Variants in COX7B observed in about 807,000 individuals in gnomAD.
The protein encoded by COX7B is cytochrome c oxidase subunit 7B, mitochondrial.
A neutral mutation model predicts 7.9 loss-of-function variants in COX7B; 2 were observed. That is an observed-to-expected ratio of 0.25 (90% CI 0.10 to 0.79). COX7B has a LOEUF of 0.79. COX7B is among the 30% of genes least tolerant of loss of function. The pLI is 0.69. For synonymous variants in COX7B, 19 were observed against 21.1 expected, an observed-to-expected ratio of 0.90 and a Z score of 0.27; for missense variants, 54 against 62.7, an observed-to-expected ratio of 0.86 and a Z score of 0.47.
intron 2 of COX7B, 132 bp downstream of exon 2, chrX:77,902,899 C>T: frequency 3.4e-6 from 2 of 585,884 alleles, no homozygotes; most frequent in Non-Finnish European, 2.5e-6. Flanking sequence ...TCTAATTACC[C>T]ACACAGTGCA....
rs782050272 is a variant in COX7B at position 77,902,755 on chromosome X, T to C, written c.153T>C (p.Val51=). The change falls in exon 2 of 3, where the codon GTT becomes GTC. Residue 51 remains valine (V), a synonymous_variant. Transcript: ENST00000650309. ...VLASGATFCI[V]TWTYVATQVG... ...CTAGTGGAGCCACTTTCTGTATTGT[T>C]ACATGGACATATGTAAGTACTATTG... 1 of 1,206,611 alleles carries C rather than the reference T, an allele frequency of 8.3e-7. No individual in the cohort carries two copies. The highest frequency in any genetic ancestry group is 2.2e-5 in the Admixed American group (1 of 45,783).
In COX7B at chrX:77,907,016, C is replaced by A; in HGVS notation, c.*1755C>A. 9.2e-6 allele frequency: 1 copy of A among 109,261 alleles called. No homozygotes were observed. The highest frequency in any genetic ancestry group is 2.8e-4 in the East Asian group (1 of 3,528). 9.0% of individuals were successfully genotyped at this position (109,261 alleles called of 1,213,427 possible). A position where few individuals can be genotyped will look rare whatever the true frequency, so the allele number is the denominator to read the frequency against. ...GTTTTTTTTTTGTAGTTTTCTTGATCGTGATCAATTAAGCAGAAAGTAGAA... is the reference window on the plus strand; with the variant it reads ...GTTTTTTTTTTGTAGTTTTCTTGATAGTGATCAATTAAGCAGAAAGTAGAA... On this transcript the variant is annotated 3_prime_UTR_variant, in exon 3 of 3. Coordinates refer to ENST00000650309, the MANE Select transcript of COX7B (RefSeq NM_001866.3).
chrX:77,903,162 A>G (rs2077125395), intron 2 of COX7B: 1 of 96,594 alleles, frequency 1.0e-5, no homozygotes, highest in East Asian at 3.1e-4. Flanking sequence ...AGTAGCTGGG[A>G]CCACAGGTGT....
chrX:77,899,916 G>A (rs2077116283), intron 1 of COX7B, among the ~76,000 whole-genome samples: 1 of 111,632 alleles, frequency 9.0e-6, no homozygotes, highest in South Asian at 3.7e-4. Context: ...TTTTAGCTTT[G>A]GGGATATGTT....
chrX:77,900,876 T>C (rs2077118504), intron 1 of COX7B, among the ~76,000 whole-genome samples: 1 of 112,484 alleles, frequency 8.9e-6, no homozygotes, highest in Admixed American at 9.5e-5. Flanking sequence ...AATTAAACAG[T>C]TGTCACAGAG....
intron 1 of COX7B, among the ~76,000 whole-genome samples, chrX:77,901,331 C>T (rs1447082872): frequency 2.8e-5 from 3 of 107,072 alleles, no homozygotes; most frequent in Non-Finnish European, 3.8e-5. Context: ...CTGCAATCTC[C>T]GTCTCCTAGG....
chrX:77,902,215 T>G (rs1557220689), intron 1 of COX7B, among the ~76,000 whole-genome samples: 2 of 112,195 alleles, frequency 1.8e-5, no homozygotes, highest in East Asian at 5.6e-4. Context: ...ATTTAAGTCA[T>G]AAGTATTCAA....
At chrX:77,899,624 A>G (rs782237291) in intron 1 of COX7B, 31 bp downstream of exon 1, 21 of 1,190,547 alleles carry the variant, frequency 1.8e-5, no homozygotes, top group Non-Finnish European at 2.3e-5. Flanking sequence ...ATCATTTACA[A>G]CAACCTTATA....
chrX:77,904,099 A>G (rs1439833223), intron 2 of COX7B, among the ~76,000 whole-genome samples: 1 of 105,404 alleles, frequency 9.5e-6, no homozygotes, highest in East Asian at 3.1e-4. Flanking sequence ...TGCCCGGCTA[A>G]TTTTTTGTAT....
chrX:77,902,544 C>A, intron 1 of COX7B, 99 bp from the exon 2 acceptor site: 1 of 914,738 alleles, frequency 1.1e-6, no homozygotes, highest in Non-Finnish European at 1.5e-6. Context: ...GTAAAATTAA[C>A]TTCCTTGGCT....
chrX:77,901,109 C>A (rs1408752344), intron 1 of COX7B, among the ~76,000 whole-genome samples: 2 of 111,028 alleles, frequency 1.8e-5, no homozygotes, highest in Admixed American at 1.9e-4. Flanking sequence ...TTTGCCTATC[C>A]CGGTGTGACT....
At chrX:77,900,501 A>G (rs782013725) in intron 1 of COX7B, among the ~76,000 whole-genome samples, 3 of 112,599 alleles carry the variant, frequency 2.7e-5, no homozygotes, top group Non-Finnish European at 5.6e-5. Context: ...GAGGAGAACA[A>G]ATTAATTTTC....
chrX:77,904,806 G>A (rs781813312), intron 2 of COX7B, among the ~76,000 whole-genome samples: 1 of 111,955 alleles, frequency 8.9e-6, no homozygotes, highest in Admixed American at 9.5e-5. Flanking sequence ...TTGTGGTTGA[G>A]GGAATCAGTG....
In COX7B at chrX:77,902,651, A is replaced by C; in HGVS notation, c.49A>C (p.Ile17Leu). 8.3e-7 allele frequency: 1 copy of C among 1,209,897 alleles called. No individual in the cohort carries two copies. The highest frequency in any genetic ancestry group is 3.2e-4 in the Middle Eastern group (1 of 3,127). The part of the protein sequence containing the change: ...SALNRLQVRS[I>L]QQTMARQSHQ... ...TTTCGTTTTCCTGTAAGTTCGAAGC[A>C]TTCAGCAAACAATGGCAAGGCAGAG... Residue 17 changes from isoleucine (I) to leucine (L), a missense_variant, in exon 2 of 3, where the codon ATT (isoleucine) becomes CTT (leucine). Ile to Leu is a conservative substitution (Grantham distance 5). Coordinates refer to ENST00000650309, the MANE Select transcript of COX7B (RefSeq NM_001866.3).
rs1164173830 is a variant in COX7B, at chrX:77,905,825, G to T, written c.*564G>T. 2 of 111,316 alleles carry T rather than the reference G, an allele frequency of 1.8e-5. No individual in the cohort carries two copies. Among genetic ancestry groups the T allele is most frequent in the African/African-American group, 6.5e-5 (2 of 30,585 alleles). 9.2% of individuals were successfully genotyped at this position (111,316 alleles called of 1,213,427 possible). On this transcript the variant is annotated 3_prime_UTR_variant, in exon 3 of 3. Transcript: ENST00000650309. ...ACGCCACCAGGCCCGGCTAATTTTT[G>T]TATTTTTAGTAGAGACGGGGTTTCA... is the stretch of plus-strand genomic sequence containing the variant.
chrX:77,905,408 A>G lies in COX7B; in HGVS notation c.*147A>G. The G allele has an allele frequency of 2.2e-6, 1 of 453,536 alleles. No homozygotes were observed. The highest frequency in any genetic ancestry group is 3.8e-6 in the Non-Finnish European group (1 of 260,367). 37.4% of individuals were successfully genotyped at this position (453,536 alleles called of 1,213,427 possible). On this transcript the variant is annotated 3_prime_UTR_variant, in exon 3 of 3. Transcript: ENST00000650309. ...TCATTGTAGGTTTTGTTTCTTTGTAAATGAAACTAAGCTTGATCACTTTAG... is the reference window on the plus strand; with the variant it reads ...TCATTGTAGGTTTTGTTTCTTTGTAGATGAAACTAAGCTTGATCACTTTAG...
At chrX:77,903,749 A>G (rs1197523370) in intron 2 of COX7B, among the ~76,000 whole-genome samples, 1 of 110,349 alleles carries the variant, frequency 9.1e-6, no homozygotes, top group Non-Finnish European at 1.9e-5. Context: ...TCACTTAACA[A>G]TTTTTCTTTT....
At chrX:77,902,998 C>T in intron 2 of COX7B, 1 of 283,883 alleles carries the variant, frequency 3.5e-6, no homozygotes, top group Non-Finnish European at 6.1e-6. Context: ...GCAGCCCTTT[C>T]CATCTTGTGT....
In COX7B at chrX:77,902,707, C is replaced by T. The variant is rs782074964; in HGVS notation, c.105C>T (p.Asp35=). 8.3e-7 allele frequency: 1 copy of T among 1,205,876 alleles called. No individual in the cohort carries two copies. The highest frequency in any genetic ancestry group is 1.7e-5 in the African/African-American group (1 of 57,199). ...AGAAACGTACACCTGATTTTCATGA[C>T]AAATACGGTAATGCTGTATTAGCTA... ...SHQKRTPDFH[D]KYGNAVLASG... is the part of the protein sequence containing the mutation. Residue 35 remains aspartate (D), a synonymous_variant, in exon 2 of 3, where the codon GAC becomes GAT. Transcript: ENST00000650309.
Sources: gnomAD v4.1 joint callset for allele counts (sites outside exome capture counted in the v4.1 genomes callset) on GRCh38, gnomAD v4.1.1 for gene constraint, MANE v1.5 for transcripts, NCBI Gene and HGNC (gene_info 2026-07-23, HGNC 2026-07-21) for gene names.